The following SKI variants were observed in gnomAD, a reference collection of about 807,000 sequenced individuals.
SKI encodes the protein ski oncogene.
In SKI, 23 loss-of-function variants were observed where a neutral mutation model predicts 59.3. The ratio of observed to expected loss-of-function variants is 0.39; its 90% CI spans 0.28 to 0.55. The LOEUF (loss-of-function observed/expected upper bound fraction) is 0.55. Among genes scored for constraint, SKI ranks in the 20% least tolerant of loss-of-function variants. The pLI, the probability that SKI is intolerant of heterozygous loss-of-function variation, is 0.67. For missense variants in SKI, 1,017 were observed against 1,038.9 expected, an observed-to-expected ratio of 0.98 and a Z score of 0.29; for synonymous variants, 673 against 488.6, an observed-to-expected ratio of 1.38 and a Z score of -4.98.
At chr1:2,299,424 G>A (rs1014069860) in intron 1 of SKI, among the ~76,000 whole-genome samples, 17 of 152,226 alleles carry the variant, frequency 1.1e-4, no homozygotes, top group African/African-American at 4.1e-4. Context: ...ACTGGGTTCA[G>A]CCTGTCTGGA....
In SKI at chr1:2,228,810, C is replaced by T; in HGVS notation, c.44C>T (p.Pro15Leu). The T allele has an allele frequency of 7.3e-7, 1 of 1,360,892 alleles. No homozygotes were observed. The highest frequency in any genetic ancestry group is 9.6e-7 in the Non-Finnish European group (1 of 1,046,200). The allele number at this position is 1,360,892 out of a possible 1,614,324, so 84.3% of individuals were successfully genotyped here. ...AGGRGCFQPH[P>L]GLQKTLEQFH... ...GGCCGCGGCTGTTTCCAGCCGCACCCGGGGCTGCAGAAGACGCTGGAGCAG... is the reference window on the plus strand; with the variant it reads ...GGCCGCGGCTGTTTCCAGCCGCACCTGGGGCTGCAGAAGACGCTGGAGCAG... The change falls in exon 1 of 7, where the codon CCG becomes CTG. Residue 15 changes from proline (P) to leucine (L), a missense_variant. Physicochemically the swap from Pro to Leu is moderately conservative, Grantham distance 98. Coordinates refer to ENST00000378536, the MANE Select transcript of SKI (RefSeq NM_003036.4).
Position 2,268,242 on chromosome 1 carries a change from G to T in SKI, c.970-34736G>T, listed in dbSNP as rs527323447. Among the ~76,000 whole-genome samples, 1 of 152,288 alleles carries T rather than the reference G, an allele frequency of 6.6e-6. No individual in the cohort carries two copies. Among genetic ancestry groups the T allele is most frequent in the African/African-American group, 2.4e-5 (1 of 41,568 alleles). On this transcript the variant is annotated intron_variant, in intron 1 of 6. Transcript: ENST00000378536. This position sits in a 1 kb window ranked among gnomAD's most constrained non-coding sequence, Gnocchi z 5.0. ...GCGTCGCCTCCCTGCTGCTCCTACTGTGTGCTTTCTTGCCCCTCCAGTGCC... is the reference window on the plus strand; with the variant it reads ...GCGTCGCCTCCCTGCTGCTCCTACTTTGTGCTTTCTTGCCCCTCCAGTGCC...
At chr1:2,302,584 C>T (rs1422389392) in intron 1 of SKI, among the ~76,000 whole-genome samples, 1 of 150,886 alleles carries the variant, frequency 6.6e-6, no homozygotes. Flanking sequence ...CACTCGGGTT[C>T]TAGGAAAGGG....
intron 1 of SKI, among the ~76,000 whole-genome samples, chr1:2,261,277 TC>T (rs1639381701): frequency 6.6e-6 from 1 of 152,246 alleles, no homozygotes; most frequent in South Asian, 2.1e-4. Flanking sequence ...CTTCCACTTT[TC>T]CATATGAATT....
intron 5 of SKI, 133 bp from the exon 6 acceptor site, chr1:2,305,887 C>T (rs773746593): frequency 6.6e-6 from 5 of 759,358 alleles, no homozygotes; most frequent in Non-Finnish European, 9.2e-6. Context: ...GGGCTGATGG[C>T]GCGCTGGGGG....
intron 1 of SKI, chr1:2,232,733 C>T (rs1638665980): frequency 1.3e-5 from 2 of 152,384 alleles, no homozygotes; most frequent in Non-Finnish European, 2.9e-5. Flanking sequence ...CTCACCTCCC[C>T]ACTCGGTCCC....
chr1:2,274,324 C>T (rs905973870), intron 1 of SKI, among the ~76,000 whole-genome samples: 1 of 152,170 alleles, frequency 6.6e-6, no homozygotes, highest in Non-Finnish European at 1.5e-5. Context: ...TTGGGGCTGC[C>T]GGCTCACGGT....
intron 1 of SKI, among the ~76,000 whole-genome samples, chr1:2,240,231 A>C (rs1638837775): frequency 6.6e-6 from 1 of 152,168 alleles, no homozygotes; most frequent in Admixed American, 6.5e-5. Context: ...TTGGCCGAGG[A>C]GGCCTCTGGG....
chr1:2,252,437 ACCTGGCACTAACCTCTGCAGGGCC>A (rs1639185365), intron 1 of SKI, among the ~76,000 whole-genome samples: 1 of 152,146 alleles, frequency 6.6e-6, no homozygotes, highest in African/African-American at 2.4e-5. Flanking sequence ...CCCGGGTCCC[ACCTGGCACTAACCTCTGCAGGGCC>A]CCTTTATGTC....
chr1:2,242,370 C>T (rs1638898989), intron 1 of SKI, among the ~76,000 whole-genome samples: 1 of 152,118 alleles, frequency 6.6e-6, no homozygotes, highest in African/African-American at 2.4e-5. Flanking sequence ...CCTGTTTGTT[C>T]ACGTCAGGGG....
chr1:2,289,467 C>T (rs868026533), intron 1 of SKI, among the ~76,000 whole-genome samples: 13 of 148,624 alleles, frequency 8.7e-5, no homozygotes, highest in Admixed American at 2.7e-4. Flanking sequence ...CCGAGCCCCG[C>T]GCAGGGCAGG....
intron 1 of SKI, among the ~76,000 whole-genome samples, chr1:2,254,672 T>TG (rs1351756474): frequency 6.6e-6 from 1 of 152,008 alleles, no homozygotes; most frequent in African/African-American, 2.4e-5. Flanking sequence ...GGAGCCGAAT[T>TG]GGAGTCTTCT....
At chr1:2,284,451 C>T (rs774410881) in intron 1 of SKI, among the ~76,000 whole-genome samples, 1 of 152,210 alleles carries the variant, frequency 6.6e-6, no homozygotes, top group Non-Finnish European at 1.5e-5. Flanking sequence ...CCTAATTGGG[C>T]AACGGCAGCT....
Position 2,296,693 on chromosome 1 carries a change from G to A in SKI, c.970-6285G>A, listed in dbSNP as rs945189349. Among the ~76,000 whole-genome samples, 7 of 152,018 alleles carry A rather than the reference G, an allele frequency of 4.6e-5. No individual in the cohort carries two copies. In the East Asian group the frequency reaches 1.3e-3, roughly 29 times the overall value. ...CTGTGGGCTGTCTTTTCCCTTTCTC[G>A]ATGGTGTCCTTTGAAGCACAAAGAC... On this transcript the variant is annotated intron_variant, in intron 1 of 6. Coordinates refer to ENST00000378536, the MANE Select transcript of SKI (RefSeq NM_003036.4).
intron 1 of SKI, among the ~76,000 whole-genome samples, chr1:2,237,525 C>T (rs943484252): frequency 7.9e-5 from 12 of 152,338 alleles, no homozygotes; most frequent in Admixed American, 2.0e-4. Context: ...CCTGCAGACC[C>T]GCCCTCACCC....
chr1:2,287,149 G>T (rs1329833718), intron 1 of SKI, among the ~76,000 whole-genome samples: 1 of 152,090 alleles, frequency 6.6e-6, no homozygotes, highest in Non-Finnish European at 1.5e-5. Flanking sequence ...CCCGCCCGGG[G>T]TGCCCTGGCC....
intron 1 of SKI, among the ~76,000 whole-genome samples, chr1:2,273,023 C>A (rs534684973): frequency 7.9e-5 from 12 of 152,342 alleles, no homozygotes; most frequent in African/African-American, 2.9e-4. Context: ...GGCTGTACCC[C>A]GCCTCCATGG....
In SKI at chr1:2,233,061, G is replaced by A. The variant is rs542485372; in HGVS notation, c.969+3326G>A. Among the ~76,000 whole-genome samples the A allele has an allele frequency of 4.8e-4, 73 of 152,318 alleles. No homozygotes were observed. In the South Asian group the frequency reaches 0.013, roughly 27 times the overall value. Reference sequence around the variant, plus strand: ...ACAAAATGTGGCAGTTGGAGCTGCCGCTTGGCCTGCTGCCTGGGACGCGGC... The same window carrying A: ...ACAAAATGTGGCAGTTGGAGCTGCCACTTGGCCTGCTGCCTGGGACGCGGC... On this transcript the variant is annotated intron_variant, in intron 1 of 6. Coordinates refer to ENST00000378536, the MANE Select transcript of SKI (RefSeq NM_003036.4).
intron 1 of SKI, among the ~76,000 whole-genome samples, chr1:2,274,468 C>T (rs1039619688): frequency 3.9e-5 from 6 of 152,040 alleles, no homozygotes; most frequent in African/African-American, 1.4e-4. Context: ...TCGCTCGCTC[C>T]ACCAGCCACC....
Sources: gnomAD v4.1 joint callset for allele counts (sites outside exome capture counted in the v4.1 genomes callset) on GRCh38, gnomAD v4.1.1 for gene constraint, Gnocchi (gnomAD v3.1) non-coding constraint, MANE v1.5 for transcripts, NCBI Gene and HGNC (gene_info 2026-07-23, HGNC 2026-07-21) for gene names.